SND1: variants seen among roughly 807,000 people sequenced by gnomAD.
SND1 encodes staphylococcal nuclease and tudor domain containing 1.
In SND1, 38 loss-of-function variants were observed where a neutral mutation model predicts 121.7. The observed-to-expected ratio is 0.31, with a 90% CI of 0.24 to 0.41. The LOEUF is 0.41. Among genes scored for constraint, SND1 ranks in the 10% least tolerant of loss-of-function variants. The pLI is 1.00. For synonymous variants in SND1, 401 were observed against 447.4 expected (o/e 0.90, Z 1.31); for missense variants, 868 against 1,184.6 (o/e 0.73, Z 3.92).
At chr7:127,702,296 G>T in intron 5 of SND1, 139 bp from the exon 6 acceptor site, 1 of 691,264 alleles carries the variant, frequency 1.4e-6, no homozygotes, top group Non-Finnish European at 2.6e-6. Context: ...TGATCTGCAA[G>T]TGCATCCTTA....
intron 8 of SND1, among the ~76,000 whole-genome samples, chr7:127,705,566 C>T (rs1796173624): frequency 6.6e-6 from 1 of 150,386 alleles, no homozygotes; most frequent in East Asian, 1.9e-4. Flanking sequence ...CAACTGTCAG[C>T]GTCAAGATGT....
At chr7:127,813,650 C>T (rs1236228447) in intron 11 of SND1, among the ~76,000 whole-genome samples, 3 of 152,110 alleles carry the variant, frequency 2.0e-5, no homozygotes, top group East Asian at 1.9e-4. Flanking sequence ...CAACGTCCGC[C>T]TCCCAGGTTC....
intron 15 of SND1, among the ~76,000 whole-genome samples, chr7:127,989,632 G>A (rs954975382): frequency 1.3e-4 from 19 of 151,614 alleles, no homozygotes; most frequent in Non-Finnish European, 2.4e-4. Context: ...GTAAATAAAA[G>A]GTAGCACCTC....
At chr7:127,916,078 T>A (rs1042939752) in intron 14 of SND1, among the ~76,000 whole-genome samples, 10 of 139,820 alleles carry the variant, frequency 7.2e-5, no homozygotes, top group Non-Finnish European at 1.3e-4. Flanking sequence ...AGAGAGAGAG[T>A]TAGCTAGGTA....
At chr7:127,699,036 T>A in intron 4 of SND1, 83 bp downstream of exon 4, 1 of 1,091,072 alleles carries the variant, frequency 9.2e-7, no homozygotes, top group Non-Finnish European at 1.4e-6. Flanking sequence ...CAGACATGGG[T>A]AACTGCAGGG....
intron 10 of SND1, among the ~76,000 whole-genome samples, chr7:127,804,112 A>C (rs1043860659): frequency 1.7e-4 from 24 of 139,330 alleles, no homozygotes; most frequent in Admixed American, 1.4e-3. Context: ...GAGAATTGAG[A>C]ATACATTCCA....
intron 12 of SND1, chr7:127,858,316 G>A: frequency 9.0e-7 from 1 of 1,112,212 alleles, no homozygotes; most frequent in South Asian, 1.3e-5. Context: ...GCCCCTTGCT[G>A]CTCCCTTTGC....
chr7:127,680,996 G>A (rs749981132), intron 1 of SND1, among the ~76,000 whole-genome samples: 9 of 152,060 alleles, frequency 5.9e-5, no homozygotes, highest in Non-Finnish European at 1.0e-4. Flanking sequence ...TGGTCCCTCC[G>A]TTCGGGGTGC....
chr7:127,836,183 C>T (rs1443681323), intron 11 of SND1, among the ~76,000 whole-genome samples: 5 of 152,014 alleles, frequency 3.3e-5, no homozygotes, highest in Non-Finnish European at 5.9e-5. Flanking sequence ...CTGCCCATCC[C>T]GGGGACAGAG....
At position 127,904,768 on chromosome 7, in the gene SND1, A is replaced by G. The variant is rs140917411; in HGVS notation, c.1476A>G (p.Gly492=). The change falls in exon 14 of 24, where the codon GGA becomes GGG. Residue 492 remains glycine, a synonymous_variant. Transcript: ENST00000354725. Reference sequence around the variant, plus strand: ...ACAGAGCTATTAAGAATGGCAAAGGATTGCATAGCAAGAAGGAAGTGCCTA... The same window carrying G: ...ACAGAGCTATTAAGAATGGCAAAGGGTTGCATAGCAAGAAGGAAGTGCCTA... ...AEARAIKNGK[G]LHSKKEVPIH... is the part of the protein sequence containing the mutation. 6.3e-5 allele frequency: 102 copies of G among 1,611,318 alleles called. 1 individual carries two copies. The highest frequency in any genetic ancestry group is 3.7e-5 in the Non-Finnish European group (43 of 1,177,632).
chr7:127,949,791 G>C (rs1428994849), intron 15 of SND1, among the ~76,000 whole-genome samples: 2 of 152,164 alleles, frequency 1.3e-5, no homozygotes, highest in Non-Finnish European at 2.9e-5. Context: ...AGAAGGAAAA[G>C]GTGCTTCCCT....
At chr7:127,676,687 G>A (rs572349058) in intron 1 of SND1, among the ~76,000 whole-genome samples, 1 of 152,300 alleles carries the variant, frequency 6.6e-6, no homozygotes, top group African/African-American at 2.4e-5. Context: ...CAGGTTATCA[G>A]TCTAAATCTG....
chr7:128,087,098 C>A, intron 21 of SND1, 47 bp downstream of exon 21: 2 of 1,437,754 alleles, frequency 1.4e-6, no homozygotes, highest in Non-Finnish European at 2.0e-6. Context: ...TCCACTGACA[C>A]TTAGCCGCTG....
chr7:127,851,821 A>C (rs1178196850), intron 12 of SND1, among the ~76,000 whole-genome samples: 5 of 152,184 alleles, frequency 3.3e-5, no homozygotes, highest in African/African-American at 1.2e-4. Context: ...TTATGAATAC[A>C]ATTTGTCTCT....
At chr7:127,806,469 C>G (rs1194893520) in intron 10 of SND1, among the ~76,000 whole-genome samples, 1 of 152,186 alleles carries the variant, frequency 6.6e-6, no homozygotes, top group African/African-American at 2.4e-5. Context: ...CATACTATTT[C>G]TTCCTGCCTC....
chr7:127,927,550 C>T (rs1043173791), intron 14 of SND1, among the ~76,000 whole-genome samples: 1 of 152,140 alleles, frequency 6.6e-6, no homozygotes, highest in Non-Finnish European at 1.5e-5. Flanking sequence ...GAATGTGTTG[C>T]TTAAGTGTTC....
chr7:128,031,362 C>T (rs1233264107), intron 16 of SND1: 1 of 151,790 alleles, frequency 6.6e-6, no homozygotes, highest in Admixed American at 6.6e-5. Flanking sequence ...CGAAGCCGCC[C>T]AGGCCGCACT....
chr7:127,833,473 C>G (rs1246813249), intron 11 of SND1, among the ~76,000 whole-genome samples: 5 of 152,026 alleles, frequency 3.3e-5, no homozygotes, highest in Middle Eastern at 6.3e-3. Context: ...CCATGTTGGT[C>G]AGGCTGGTCT....
chr7:127,859,042 T>G (rs1799333527), intron 12 of SND1, among the ~76,000 whole-genome samples: 1 of 152,224 alleles, frequency 6.6e-6, no homozygotes, highest in Non-Finnish European at 1.5e-5. Context: ...CTCATTGGTT[T>G]GGCTGGTTCT....
Sources: gnomAD v4.1 joint callset for allele counts (sites outside exome capture counted in the v4.1 genomes callset) on GRCh38, gnomAD v4.1.1 for gene constraint, MANE v1.5 for transcripts, NCBI Gene and HGNC (gene_info 2026-07-23, HGNC 2026-07-21) for gene names.